CALR: variants seen among roughly 807,000 people sequenced by gnomAD.
The protein encoded by CALR is CRP55.
CALR carries 15 observed loss-of-function variants against 51.1 expected under a neutral mutation model. That is an observed-to-expected ratio of 0.29 (90% CI 0.20 to 0.45). The LOEUF (loss-of-function observed/expected upper bound fraction) is 0.45, where lower values mean the gene tolerates loss of function less well. Among genes scored for constraint, CALR ranks in the 20% least tolerant of loss-of-function variants. CALR has a pLI of 1.00. For missense variants in CALR, 477 were observed against 530.6 expected, an observed-to-expected ratio of 0.90 and a Z score of 0.99; for synonymous variants, 239 against 205.9, an observed-to-expected ratio of 1.16 and a Z score of -1.38.
intron 1 of CALR, 56 bp from the exon 2 acceptor site, chr19:12,939,078 G>C (rs895163462): frequency 9.8e-7 from 1 of 1,017,692 alleles, no homozygotes; most frequent in Non-Finnish European, 1.5e-6. Flanking sequence ...CAGATGTTTG[G>C]TGTGGGGGGG....
Position 12,940,760 on chromosome 19 carries a change from G to C in CALR, c.833G>C (p.Arg278Pro), listed in dbSNP as rs767701623. ...CTTCTGCAGGGTGAGTGGAAGCCCC[G>C]GCAGATCGACAACCCAGATTACAAG... ...NPEYKGEWKP[R>P]QIDNPDYKGT... Residue 278 changes from arginine (R) to proline (P), a missense_variant, in exon 7 of 9, where the codon CGG (arginine) becomes CCG (proline). Transcript: ENST00000316448. The C allele has an allele frequency of 1.2e-6, 2 of 1,614,092 alleles. No individual in the cohort carries two copies. The highest frequency in any genetic ancestry group is 2.2e-5 in the East Asian group (1 of 44,876).
chr19:12,939,920 C>A, intron 3 of CALR, 133 bp from the exon 4 acceptor site: 1 of 763,554 alleles, frequency 1.3e-6, no homozygotes, highest in Non-Finnish European at 2.3e-6. Flanking sequence ...AGGACAGAAT[C>A]AGGGTCTGAG....
At chr19:12,939,394 G>T in intron 2 of CALR, 34 bp from the exon 3 acceptor site, 3 of 1,606,650 alleles carry the variant, frequency 1.9e-6, no homozygotes, top group Non-Finnish European at 2.6e-6. Context: ...GCGAGTCAAG[G>T]CCCAACGGTG....
Position 12,940,195 on chromosome 19 carries a change from G to A in CALR, c.492+48G>A, listed in dbSNP as rs1475386109. Reference sequence around the variant, plus strand: ...ATGGCTGTCATGGGGAGATTCAGAGGTCAGCCTCATTGGGGGGTGGCCCCC... The same window carrying A: ...ATGGCTGTCATGGGGAGATTCAGAGATCAGCCTCATTGGGGGGTGGCCCCC... On this transcript the variant is annotated intron_variant, in intron 4 of 8. Coordinates refer to ENST00000316448, the MANE Select transcript of CALR (RefSeq NM_004343.4). The A allele has an allele frequency of 3.7e-6, 6 of 1,612,190 alleles. No homozygotes were observed. In the Admixed American group the frequency reaches 5.0e-5, roughly 13 times the overall value.
rs750310401 is a variant in CALR, at chr19:12,940,094, A to G, written c.439A>G (p.Ile147Val). 6.2e-7 allele frequency: 1 copy of G among 1,614,202 alleles called. No homozygotes were observed. The highest frequency in any genetic ancestry group is 2.2e-5 in the East Asian group (1 of 44,896). ...CGPGTKKVHV[I>V]FNYKGKNVLI... Reference sequence around the variant, plus strand: ...CCCTGGCACCAAGAAGGTTCATGTCATCTTCAACTACAAGGGCAAGAACGT... The same window carrying G: ...CCCTGGCACCAAGAAGGTTCATGTCGTCTTCAACTACAAGGGCAAGAACGT... The change falls in exon 4 of 9, where the codon ATC becomes GTC. Residue 147 changes from isoleucine to valine, a missense_variant. Ile to Val is a conservative substitution (Grantham distance 29). Transcript: ENST00000316448.
rs938433963 is a variant in CALR, at chr19:12,940,426, G to A, written c.676G>A (p.Asp226Asn). The A allele has an allele frequency of 1.1e-5, 17 of 1,614,072 alleles. No homozygotes were observed. In the African/African-American group the frequency reaches 1.5e-4, roughly 14 times the overall value. Reference protein sequence around the residue: ...PEDWDERAKIDDPTDSKPEDW... With the variant: ...PEDWDERAKINDPTDSKPEDW... Reference sequence around the variant, plus strand: ...AGACTGGGATGAGCGGGCCAAGATCGATGATCCCACAGACTCCAAGCCTGA... The same window carrying A: ...AGACTGGGATGAGCGGGCCAAGATCAATGATCCCACAGACTCCAAGCCTGA... The change falls in exon 5 of 9, where the codon GAT becomes AAT. Residue 226 changes from aspartate to asparagine, a missense_variant. Transcript: ENST00000316448.
rs1325628287 is a variant in CALR, at chr19:12,940,652, A to G, written c.814A>G (p.Lys272Glu). Residue 272 changes from lysine to glutamate, a missense_variant and splice_region_variant, in exon 6 of 9, where the codon AAG becomes GAG. Physicochemically the swap from Lys to Glu is moderately conservative, Grantham distance 56. Transcript: ENST00000316448. ...CCCAGTGATTCAGAACCCTGAGTAC[A>G]AGGTGAGTTTGGGGCTCTGAGCAGG... ...EPPVIQNPEY[K>E]GEWKPRQIDN... The G allele has an allele frequency of 1.9e-6, 3 of 1,614,036 alleles. No individual in the cohort carries two copies. The highest frequency in any genetic ancestry group is 1.1e-5 in the South Asian group (1 of 91,080).
In CALR at chr19:12,940,307, T is replaced by C. The variant is rs756312947; in HGVS notation, c.557T>C (p.Ile186Thr). The change falls in exon 5 of 9, where the codon ATT (isoleucine) becomes ACT (threonine). Residue 186 changes from isoleucine (I) to threonine (T), a missense_variant. Ile to Thr is a moderately conservative substitution (Grantham distance 89). Transcript: ENST00000316448. ...VRPDNTYEVK[I>T]DNSQVESGSL... ...CCAGACAACACCTATGAGGTGAAGA[T>C]TGACAACAGCCAGGTGGAGTCCGGC... 5.0e-6 allele frequency: 8 copies of C among 1,614,164 alleles called. No individual in the cohort carries two copies. The highest frequency in any genetic ancestry group is 1.7e-5 in the Admixed American group (1 of 60,008).
At chr19:12,939,302 A>G in intron 2 of CALR, 67 bp downstream of exon 2, 1 of 1,432,308 alleles carries the variant, frequency 7.0e-7, no homozygotes, top group Non-Finnish European at 9.8e-7. Flanking sequence ...GTCTGTACAC[A>G]CACAGCCGGG....
rs377184463 is a variant in CALR, at chr19:12,941,890, C to T, written c.960+1003C>T. 1.5e-4 allele frequency among the ~76,000 whole-genome samples: 23 copies of T among 152,216 alleles called. 1 individual carries two copies. In the South Asian group the frequency reaches 4.4e-3, roughly 29 times the overall value. Reference sequence around the variant, plus strand: ...AAGTGCTGGGATTACAAGGGTTAGCCACCATGCCTAGCCTCTACAAAAACT... The same window carrying T: ...AAGTGCTGGGATTACAAGGGTTAGCTACCATGCCTAGCCTCTACAAAAACT... On this transcript the variant is annotated intron_variant, in intron 7 of 8. Coordinates refer to ENST00000316448, the MANE Select transcript of CALR (RefSeq NM_004343.4).
In CALR at chr19:12,941,358, C is replaced by T. The variant is rs775794489; in HGVS notation, c.960+471C>T. On this transcript the variant is annotated intron_variant, in intron 7 of 8. Coordinates refer to ENST00000316448, the MANE Select transcript of CALR (RefSeq NM_004343.4). ...TTGCTGAGGCTGGAGTGCAATGGCACGATCTCAGCTCACTGCGCCCTCCGT... is the reference window on the plus strand; with the variant it reads ...TTGCTGAGGCTGGAGTGCAATGGCATGATCTCAGCTCACTGCGCCCTCCGT... Among the ~76,000 whole-genome samples, 10 of 151,918 alleles carry T rather than the reference C, an allele frequency of 6.6e-5. No individual in the cohort carries two copies. In the South Asian group the frequency reaches 8.3e-4, roughly 13 times the overall value.
Position 12,944,000 on chromosome 19 carries a change from G to A in CALR, c.*87G>A. The A allele has an allele frequency of 6.4e-7, 1 of 1,569,490 alleles. No individual in the cohort carries two copies. The highest frequency in any genetic ancestry group is 8.6e-7 in the Non-Finnish European group (1 of 1,156,274). On this transcript the variant is annotated 3_prime_UTR_variant, in exon 9 of 9. Transcript: ENST00000316448. ...CAAATAATGTCTCTGTGAGACTCGAGAACTTTCATTTTTTTCCAGGCTGGT... is the reference window on the plus strand; with the variant it reads ...CAAATAATGTCTCTGTGAGACTCGAAAACTTTCATTTTTTTCCAGGCTGGT...
At position 12,938,650 on chromosome 19, in the gene CALR, G is replaced by T; in HGVS notation, c.-30G>T. 6.4e-7 allele frequency: 1 copy of T among 1,569,652 alleles called. No homozygotes were observed. The highest frequency in any genetic ancestry group is 8.7e-7 in the Non-Finnish European group (1 of 1,150,380). On this transcript the variant is annotated 5_prime_UTR_variant, in exon 1 of 9. Coordinates refer to ENST00000316448, the MANE Select transcript of CALR (RefSeq NM_004343.4). ...CGCTGCCGGAGGGTCGTTTTAAAGGGCCCGCGCGTTGCCGCCCCCTCGGCC... is the reference window on the plus strand; with the variant it reads ...CGCTGCCGGAGGGTCGTTTTAAAGGTCCCGCGCGTTGCCGCCCCCTCGGCC...
intron 7 of CALR, chr19:12,943,095 T>TA (rs1971571338): frequency 6.9e-6 from 1 of 145,174 alleles, no homozygotes; most frequent in Admixed American, 7.0e-5. Context: ...TTTTTTTTTT[T>TA]TTTTTTGGAG....
intron 3 of CALR, 148 bp downstream of exon 3, chr19:12,939,779 C>G (rs1158803704): frequency 5.1e-6 from 4 of 777,572 alleles, no homozygotes; most frequent in Non-Finnish European, 9.1e-6. Context: ...GATCGCAGAT[C>G]TAGGCTGTTA....
rs370421106 is a variant in CALR at position 12,943,639 on chromosome 19, G to A, written c.1053+10G>A. 2 of 1,614,166 alleles carry A rather than the reference G, an allele frequency of 1.2e-6. No individual in the cohort carries two copies. Among genetic ancestry groups the A allele is most frequent in the Non-Finnish European group, 8.5e-7 (1 of 1,180,020 alleles). ...GTGGGGCGTAACAAAGGTGAGGCCT[G>A]GTCCTGGTCCTGATGTCGGGGGCGG... On this transcript the variant is annotated intron_variant, in intron 8 of 8. Transcript: ENST00000316448.
In CALR at chr19:12,940,117, C is replaced by T. The variant is rs143361476; in HGVS notation, c.462C>T (p.Asn154=). ...TCATCTTCAACTACAAGGGCAAGAA[C>T]GTGCTGATCAACAAGGACATCCGTT... The part of the protein sequence containing the change: ...VHVIFNYKGK[N]VLINKDIRCK... The change falls in exon 4 of 9, where the codon AAC becomes AAT. Residue 154 remains asparagine (N), a synonymous_variant. Coordinates refer to ENST00000316448, the MANE Select transcript of CALR (RefSeq NM_004343.4). 1.1e-5 allele frequency: 18 copies of T among 1,614,126 alleles called. 1 individual carries two copies. The Admixed American group carries it at 1.2e-4, about 10-fold the overall frequency.
chr19:12,939,921 A>C, intron 3 of CALR, 132 bp from the exon 4 acceptor site: 1 of 765,528 alleles, frequency 1.3e-6, no homozygotes, highest in African/African-American at 1.7e-5. Flanking sequence ...GGACAGAATC[A>C]GGGTCTGAGT....
chr19:12,938,641 T>C lies in CALR; in HGVS notation c.-39T>C, dbSNP rs747444683. 1.0e-5 allele frequency: 16 copies of C among 1,535,986 alleles called. No homozygotes were observed. The highest frequency in any genetic ancestry group is 1.4e-5 in the Non-Finnish European group (16 of 1,123,224). On this transcript the variant is annotated 5_prime_UTR_variant, in exon 1 of 9. Transcript: ENST00000316448. Reference sequence around the variant, plus strand: ...CTGCAGAGCCGCTGCCGGAGGGTCGTTTTAAAGGGCCCGCGCGTTGCCGCC... The same window carrying C: ...CTGCAGAGCCGCTGCCGGAGGGTCGCTTTAAAGGGCCCGCGCGTTGCCGCC...
Sources: gnomAD v4.1 joint callset for allele counts (sites outside exome capture counted in the v4.1 genomes callset) on GRCh38, gnomAD v4.1.1 for gene constraint, MANE v1.5 for transcripts, NCBI Gene and HGNC (gene_info 2026-07-23, HGNC 2026-07-21) for gene names.